The following KCNG2 variants were observed in gnomAD, a reference collection of about 807,000 sequenced individuals.
KCNG2 encodes potassium voltage-gated channel modifier subfamily G member 2.
Under a neutral mutation model 12.3 loss-of-function variants are expected in KCNG2, and 7 were observed. That is an observed-to-expected ratio of 0.57 (90% CI 0.32 to 1.07). The LOEUF is 1.07. Among genes scored for constraint, KCNG2 ranks in the 50% least tolerant of loss-of-function variants. The probability of loss-of-function intolerance (pLI) is 0.04; values close to 1 mark genes in which losing one functional copy is unlikely to be tolerated. For synonymous variants in KCNG2, 414 were observed against 351.4 expected, an observed-to-expected ratio of 1.18 and a Z score of -1.99; for missense variants, 703 against 726.0, an observed-to-expected ratio of 0.97 and a Z score of 0.36.
intron 1 of KCNG2, among the ~76,000 whole-genome samples, chr18:79,831,887 AC>A (rs1978298292): frequency 6.6e-6 from 1 of 152,082 alleles, no homozygotes; most frequent in African/African-American, 2.4e-5. Context: ...GCTTTGTAGA[AC>A]CCTGATTTGG....
rs370436766 is a variant in KCNG2 at position 79,892,019 on chromosome 18, G to A, written c.625-7021G>A. ...AGTCCCAGCTACTCAGGAGGCTGAGGCAGGAGAATCACTTGAACCTGGGAG... is the reference window on the plus strand; with the variant it reads ...AGTCCCAGCTACTCAGGAGGCTGAGACAGGAGAATCACTTGAACCTGGGAG... On this transcript the variant is annotated intron_variant, in intron 3 of 3. Coordinates refer to ENST00000316249, the MANE Select transcript of KCNG2 (RefSeq NM_012283.2). Among the ~76,000 whole-genome samples the A allele has an allele frequency of 2.0e-5, 3 of 151,828 alleles. No individual in the cohort carries two copies. In the East Asian group the frequency reaches 5.8e-4, roughly 29 times the overall value.
intron 3 of KCNG2, among the ~76,000 whole-genome samples, chr18:79,887,211 G>A (rs1180191090): frequency 1.3e-5 from 2 of 151,774 alleles, no homozygotes; most frequent in Non-Finnish European, 2.9e-5. Flanking sequence ...AGGGACACGG[G>A]GATATAGGGT....
chr18:79,853,094 C>T (rs1199226784), intron 1 of KCNG2, among the ~76,000 whole-genome samples: 1 of 152,224 alleles, frequency 6.6e-6, no homozygotes, highest in Non-Finnish European at 1.5e-5. Flanking sequence ...TGCGGCAGTG[C>T]GTCCTGGTCA....
At chr18:79,889,056 C>A (rs979857545) in intron 3 of KCNG2, among the ~76,000 whole-genome samples, 10 of 152,160 alleles carry the variant, frequency 6.6e-5, no homozygotes, top group African/African-American at 2.4e-4. Context: ...GGATGCAAGT[C>A]CCTTATCAAA....
chr18:79,895,625 T>C (rs2123134235), intron 3 of KCNG2, among the ~76,000 whole-genome samples: 1 of 152,222 alleles, frequency 6.6e-6, no homozygotes, highest in African/African-American at 2.4e-5. Flanking sequence ...TTGATATAGT[T>C]GAGTCTGTGT....
rs1439166895 is a variant in KCNG2, at chr18:79,828,748, TGG to T, written c.-114-27629_-114-27628del. On this transcript the variant is annotated intron_variant, in intron 1 of 3. Transcript: ENST00000316249. Reference sequence around the variant, plus strand: ...CATGATGTGTGCATGTGTCTGTGTGTGGGTGTCTATGTGTGCGTGTGTGTAAC... The same window carrying T: ...CATGATGTGTGCATGTGTCTGTGTGTGTGTCTATGTGTGCGTGTGTGTAAC... Among the ~76,000 whole-genome samples the T allele has an allele frequency of 6.9e-5, 10 of 145,770 alleles. No individual in the cohort carries two copies. In the East Asian group the frequency reaches 1.9e-3, roughly 27 times the overall value.
At chr18:79,867,151 G>C (rs563870094) in intron 3 of KCNG2, among the ~76,000 whole-genome samples, 112 of 107,450 alleles carry the variant, frequency 1.0e-3, no homozygotes, top group Admixed American at 3.2e-3. Context: ...GCCGAGGTCT[G>C]GGTACCGAGG....
chr18:79,858,476 GA>G (rs1979100255), intron 2 of KCNG2, among the ~76,000 whole-genome samples: 2 of 152,220 alleles, frequency 1.3e-5, no homozygotes, highest in Non-Finnish European at 2.9e-5. Context: ...TCAGTTGATG[GA>G]ATTTGGGTTG....
chr18:79,856,098 C>A (rs551031993), intron 1 of KCNG2, among the ~76,000 whole-genome samples: 1 of 152,312 alleles, frequency 6.6e-6, no homozygotes, highest in East Asian at 1.9e-4. Context: ...TAACTTACGT[C>A]CATATTTTAA....
At chr18:79,829,404 G>C (rs1468180089) in intron 1 of KCNG2, among the ~76,000 whole-genome samples, 1 of 152,194 alleles carries the variant, frequency 6.6e-6, no homozygotes, top group Non-Finnish European at 1.5e-5. Context: ...CTTCTCTGTT[G>C]CATCATTCAT....
At chr18:79,839,431 C>A (rs934031590) in intron 1 of KCNG2, among the ~76,000 whole-genome samples, 21 of 152,324 alleles carry the variant, frequency 1.4e-4, no homozygotes, top group African/African-American at 4.3e-4. Flanking sequence ...GAGAAGGGAA[C>A]CCTGCCAACA....
intron 1 of KCNG2, among the ~76,000 whole-genome samples, chr18:79,841,701 G>A (rs1046304120): frequency 6.6e-6 from 1 of 152,208 alleles, no homozygotes; most frequent in Admixed American, 6.5e-5. Context: ...AGTGAGGAGT[G>A]ATGTCATCAA....
intron 1 of KCNG2, among the ~76,000 whole-genome samples, chr18:79,804,215 G>C (rs536022840): frequency 1.3e-5 from 2 of 152,224 alleles, no homozygotes; most frequent in Non-Finnish European, 2.9e-5. Context: ...AAGGCTACAA[G>C]AATAGGGCAT....
Position 79,857,903 on chromosome 18 carries a change from A to T in KCNG2, c.-41+1451A>T, listed in dbSNP as rs549338922. On this transcript the variant is annotated intron_variant, in intron 2 of 3. Coordinates refer to ENST00000316249, the MANE Select transcript of KCNG2 (RefSeq NM_012283.2). ...TTTCATCGTCCCAAAAGAAACTCTG[A>T]GCCATTAGCAGTCACTCCCCATCGC... Among the ~76,000 whole-genome samples, 9 of 152,228 alleles carry T rather than the reference A, an allele frequency of 5.9e-5. No individual in the cohort carries two copies. The South Asian group carries it at 1.9e-3, about 32-fold the overall frequency.
At chr18:79,837,640 A>G (rs1365710632) in intron 1 of KCNG2, among the ~76,000 whole-genome samples, 1 of 152,246 alleles carries the variant, frequency 6.6e-6, no homozygotes, top group Non-Finnish European at 1.5e-5. Flanking sequence ...GCAGTTCTTA[A>G]TAAGTTCCTC....
chr18:79,858,422 C>G (rs565597321), intron 2 of KCNG2, among the ~76,000 whole-genome samples: 1 of 152,212 alleles, frequency 6.6e-6, no homozygotes, highest in Non-Finnish European at 1.5e-5. Context: ...TTTGTGGCTG[C>G]ATAACATTCC....
At chr18:79,869,892 C>T (rs1157108986) in intron 3 of KCNG2, among the ~76,000 whole-genome samples, 11 of 152,348 alleles carry the variant, frequency 7.2e-5, no homozygotes, top group African/African-American at 1.9e-4. Flanking sequence ...CACCACCACG[C>T]GGGACGGCCC....
chr18:79,881,355 A>G (rs985044053), intron 3 of KCNG2, among the ~76,000 whole-genome samples: 2 of 152,216 alleles, frequency 1.3e-5, no homozygotes, highest in African/African-American at 2.4e-5. Context: ...AGGACTGCCT[A>G]TGTAGAAACA....
chr18:79,871,901 CGAGT>C (rs1568265280), intron 3 of KCNG2, among the ~76,000 whole-genome samples: 1 of 152,208 alleles, frequency 6.6e-6, no homozygotes, highest in Non-Finnish European at 1.5e-5. Flanking sequence ...CTGCCAGCAC[CGAGT>C]GAGGACCCGC....
Sources: allele counts gnomAD v4.1 joint callset (sites outside exome capture counted in the v4.1 genomes callset), GRCh38; gene constraint gnomAD v4.1.1; transcripts MANE v1.5; gene names NCBI Gene and HGNC (gene_info 2026-07-23, HGNC 2026-07-21).